CFAP299: variants seen among roughly 807,000 people sequenced by gnomAD.
CFAP299 encodes cilia and flagella associated protein 299.
A neutral mutation model predicts 27.0 loss-of-function variants in CFAP299; 21 were observed. That is an observed-to-expected ratio of 0.78 (90% confidence interval 0.55 to 1.12). CFAP299 has a LOEUF of 1.12. Among genes scored for constraint, CFAP299 ranks in the 50% most tolerant of loss-of-function variants. CFAP299 has a pLI of 0.00. For missense variants in CFAP299, 310 were observed against 276.6 expected, an observed-to-expected ratio of 1.12 and a Z score of -0.86; for synonymous variants, 104 against 98.1, an observed-to-expected ratio of 1.06 and a Z score of -0.36.
chr4:80,456,562 G>A (rs940620098), intron 2 of CFAP299, among the ~76,000 whole-genome samples: 3 of 152,090 alleles, frequency 2.0e-5, no homozygotes, highest in Admixed American at 2.0e-4. Flanking sequence ...GGAAGAAGAT[G>A]ACTCAAGGAT....
chr4:80,881,447 T>C (rs72865169), intron 4 of CFAP299, among the ~76,000 whole-genome samples: 5,552 of 152,246 alleles, frequency 0.036, 244 homozygotes, highest in African/African-American at 0.11. Flanking sequence ...CATCGTCTTA[T>C]AGCTGGCACT....
At chr4:80,762,290 T>A (rs1037786419) in intron 3 of CFAP299, among the ~76,000 whole-genome samples, 3 of 152,032 alleles carry the variant, frequency 2.0e-5, no homozygotes, top group South Asian at 2.1e-4. Flanking sequence ...GGAGGAAATA[T>A]AAGAACCAAA....
intron 2 of CFAP299, among the ~76,000 whole-genome samples, chr4:80,489,528 T>C (rs564626926): frequency 3.3e-5 from 5 of 152,318 alleles, no homozygotes; most frequent in Admixed American, 6.5e-5. Context: ...TTCCTCTATC[T>C]GGGCTACATC....
chr4:80,374,717 A>G (rs1406631866), intron 2 of CFAP299, among the ~76,000 whole-genome samples: 2 of 151,944 alleles, frequency 1.3e-5, no homozygotes, highest in Admixed American at 6.6e-5. Flanking sequence ...CTTGATCTTC[A>G]TCTTATTCTG....
At chr4:80,443,388 A>G (rs1212995709) in intron 2 of CFAP299, among the ~76,000 whole-genome samples, 3 of 152,344 alleles carry the variant, frequency 2.0e-5, no homozygotes, top group South Asian at 4.1e-4. Context: ...GCACAAGTCA[A>G]TAAACGTAAT....
intron 2 of CFAP299, among the ~76,000 whole-genome samples, chr4:80,577,506 G>A (rs570091285): frequency 1.8e-4 from 26 of 145,392 alleles, no homozygotes; most frequent in Non-Finnish European, 2.7e-4. Context: ...AGGTTCAAGC[G>A]ATTCTCCTGC....
At chr4:80,528,536 CT>C (rs1366392053) in intron 2 of CFAP299, among the ~76,000 whole-genome samples, 1 of 152,082 alleles carries the variant, frequency 6.6e-6, no homozygotes, top group Non-Finnish European at 1.5e-5. Flanking sequence ...CCTGAACTTG[CT>C]TTTCTTCTCT....
chr4:80,334,872 T>A (rs750188210), upstream of CFAP299, among the ~76,000 whole-genome samples: 16 of 152,218 alleles, frequency 1.1e-4, no homozygotes, highest in Non-Finnish European at 8.8e-5. Context: ...TGTGAAAATC[T>A]TCAAGATGAA....
At chr4:80,842,296 A>G (rs1164456601) in intron 3 of CFAP299, among the ~76,000 whole-genome samples, 1 of 151,888 alleles carries the variant, frequency 6.6e-6, no homozygotes, top group African/African-American at 2.4e-5. Flanking sequence ...CATGGTTGAG[A>G]CCTCTTTCTT....
intron 3 of CFAP299, among the ~76,000 whole-genome samples, chr4:80,597,531 CGTG>C (rs1411071347): frequency 6.6e-6 from 1 of 152,110 alleles, no homozygotes. Context: ...CAAATTTTAA[CGTG>C]GTCCAATTTA....
At chr4:80,679,070 C>T (rs981330149) in intron 3 of CFAP299, among the ~76,000 whole-genome samples, 1 of 152,044 alleles carries the variant, frequency 6.6e-6, no homozygotes, top group African/African-American at 2.4e-5. Flanking sequence ...CTCCCTCACC[C>T]ACTTCTCTTC....
At chr4:80,346,359 T>G (rs1722726755) in intron 1 of CFAP299, among the ~76,000 whole-genome samples, 1 of 152,200 alleles carries the variant, frequency 6.6e-6, no homozygotes, top group African/African-American at 2.4e-5. Flanking sequence ...CATGCCTATG[T>G]CTTGAATGGT....
intron 3 of CFAP299, among the ~76,000 whole-genome samples, chr4:80,603,238 T>C (rs918736735): frequency 6.6e-6 from 1 of 152,168 alleles, no homozygotes; most frequent in African/African-American, 2.4e-5. Context: ...AGACATACTA[T>C]AACATATTTC....
At chr4:80,367,308 G>A (rs1723884015) in intron 2 of CFAP299, among the ~76,000 whole-genome samples, 1 of 152,134 alleles carries the variant, frequency 6.6e-6, no homozygotes, top group Non-Finnish European at 1.5e-5. Context: ...TTTGTGAGGG[G>A]ACGTGAAGAA....
chr4:80,447,189 G>A (rs1483050661), intron 2 of CFAP299, among the ~76,000 whole-genome samples: 14 of 123,732 alleles, frequency 1.1e-4, no homozygotes, highest in African/African-American at 3.6e-4. Flanking sequence ...AGGCTGGAGT[G>A]CAGTGGCGGG....
At chr4:80,538,078 A>C (rs1733828970) in intron 2 of CFAP299, among the ~76,000 whole-genome samples, 2 of 152,122 alleles carry the variant, frequency 1.3e-5, no homozygotes, top group South Asian at 4.1e-4. Flanking sequence ...GAGCTGAAAA[A>C]TTTGTCTCCT....
chr4:80,524,391 A>T (rs563535916), intron 2 of CFAP299, among the ~76,000 whole-genome samples: 3 of 151,832 alleles, frequency 2.0e-5, no homozygotes, highest in Non-Finnish European at 4.4e-5. Context: ...AAGCATAGGG[A>T]TCTGTGCTGC....
chr4:80,345,415 C>A (rs571063895), intron 1 of CFAP299, among the ~76,000 whole-genome samples: 1 of 98,194 alleles, frequency 1.0e-5, no homozygotes, highest in South Asian at 4.1e-4. Flanking sequence ...CCAATGCTAT[C>A]CCTCCCCCCT....
intron 2 of CFAP299, among the ~76,000 whole-genome samples, chr4:80,528,347 T>G (rs1194952144): frequency 1.3e-5 from 2 of 152,132 alleles, no homozygotes; most frequent in Non-Finnish European, 2.9e-5. Context: ...TTTTTTCCTG[T>G]GTCTTCCTCT....
Sources: gnomAD v4.1 joint callset for allele counts (sites outside exome capture counted in the v4.1 genomes callset) on GRCh38, gnomAD v4.1.1 for gene constraint, MANE v1.5 for transcripts, NCBI Gene and HGNC (gene_info 2026-07-23, HGNC 2026-07-21) for gene names.